Variants in ATF7IP2 observed in about 807,000 individuals in gnomAD.
ATF7IP2 encodes activating transcription factor 7-interacting protein 2.
A neutral mutation model predicts 64.2 loss-of-function variants in ATF7IP2; 42 were observed. That is an observed-to-expected ratio of 0.65 (90% CI 0.51 to 0.85). ATF7IP2 has a LOEUF of 0.85. Among genes scored for constraint, ATF7IP2 ranks in the 40% least tolerant of loss-of-function variants. ATF7IP2 has a pLI of 0.00. For synonymous variants in ATF7IP2, 308 were observed against 272.8 expected (o/e 1.13, Z -1.27); for missense variants, 933 against 784.2 (o/e 1.19, Z -2.27).
At chr16:10,400,321 A>G (rs12921769) in intron 1 of ATF7IP2, among the ~76,000 whole-genome samples, 30,508 of 152,210 alleles carry the variant, frequency 0.2, 3,452 homozygotes, top group African/African-American at 0.31. Context: ...GATTACAGGC[A>G]TTAGCCACCG....
Position 10,417,759 on chromosome 16 carries a change from A to T in ATF7IP2, c.-202-1822A>T, listed in dbSNP as rs534640286. ...ATAACAAAGTTGGAGGACTTAACAC[A>T]TCCTGAATTCCAAACTTCTCACAAA... On this transcript the variant is annotated intron_variant, in intron 2 of 13. Transcript: ENST00000562102. Among the ~76,000 whole-genome samples, 3 of 152,312 alleles carry T rather than the reference A, an allele frequency of 2.0e-5. No individual in the cohort carries two copies. In the East Asian group the frequency reaches 5.8e-4, roughly 29 times the overall value.
In ATF7IP2 at chr16:10,386,134, C is replaced by A. The variant is rs2047197889; in HGVS notation, c.-242+12C>A. 6.6e-6 allele frequency: 1 copy of A among 152,602 alleles called. No individual in the cohort carries two copies. The highest frequency in any genetic ancestry group is 2.4e-5 in the African/African-American group (1 of 41,448). The allele number at this position is 152,602 out of a possible 1,614,324, so 9.5% of individuals were successfully genotyped here. A position where few individuals can be genotyped will look rare whatever the true frequency, so the allele number is the denominator to read the frequency against. On this transcript the variant is annotated intron_variant, in intron 1 of 13. Coordinates refer to ENST00000562102, the MANE Select transcript of ATF7IP2 (RefSeq NM_001393719.1). ...CGTCGTCGCTCTAGGTACGTTGGGG[C>A]CGGGCGAGTGTCCTGCGAGAGCGGC...
At chr16:10,460,409 A>G (rs972172562) in intron 9 of ATF7IP2, among the ~76,000 whole-genome samples, 17 of 152,300 alleles carry the variant, frequency 1.1e-4, no homozygotes, top group African/African-American at 3.8e-4. Flanking sequence ...AGAGGTCAAG[A>G]TACTCTTTAA....
intron 8 of ATF7IP2, among the ~76,000 whole-genome samples, chr16:10,441,299 G>C (rs75325960): frequency 6.6e-6 from 1 of 152,100 alleles, no homozygotes; most frequent in African/African-American, 2.4e-5. Flanking sequence ...TGGTAGTTCT[G>C]GTTCTATAGA....
At chr16:10,474,074 G>C in intron 12 of ATF7IP2, 85 bp downstream of exon 12, 1 of 871,526 alleles carries the variant, frequency 1.1e-6, no homozygotes, top group Non-Finnish European at 1.8e-6. Context: ...TATGAAGTTT[G>C]TTTTAATATG....
chr16:10,419,993 A>C (rs1259604227), intron 3 of ATF7IP2, among the ~76,000 whole-genome samples: 1 of 152,214 alleles, frequency 6.6e-6, no homozygotes, highest in Non-Finnish European at 1.5e-5. Flanking sequence ...CAGTAATGCT[A>C]GATTCAGTTG....
At chr16:10,402,483 G>C (rs1048467465) in intron 1 of ATF7IP2, among the ~76,000 whole-genome samples, 1 of 152,058 alleles carries the variant, frequency 6.6e-6, no homozygotes, top group South Asian at 2.1e-4. Flanking sequence ...TTCGTTTTGA[G>C]ACAAGGTCTT....
At chr16:10,405,456 G>C (rs2047617994) in intron 1 of ATF7IP2, among the ~76,000 whole-genome samples, 1 of 152,174 alleles carries the variant, frequency 6.6e-6, no homozygotes, top group Admixed American at 6.5e-5. Flanking sequence ...GTTAGTCCAA[G>C]CTGCATTGTT....
chr16:10,455,887 T>C (rs1440967105), intron 8 of ATF7IP2, among the ~76,000 whole-genome samples: 1 of 152,234 alleles, frequency 6.6e-6, no homozygotes, highest in Non-Finnish European at 1.5e-5. Context: ...TGTTACGTAG[T>C]GGCAGGAAGT....
chr16:10,430,999 A>C lies in ATF7IP2; in HGVS notation c.379A>C (p.Ser127Arg). The change falls in exon 5 of 14, where the codon AGC (serine) becomes CGC (arginine). Residue 127 changes from serine to arginine, a missense_variant. Ser to Arg is a moderately radical substitution (Grantham distance 110, BLOSUM62 -1). Transcript: ENST00000562102. The stretch of plus-strand genomic sequence containing the variant: ...GCCAAGTAGAACAACAGAATCCCCC[A>C]GCAGAGTCTTCACAGAAGAGGCAAA... ...QKPSRTTESP[S>R]RVFTEEAKDS... 1 of 1,614,208 alleles carries C rather than the reference A, an allele frequency of 6.2e-7. No individual in the cohort carries two copies. The highest frequency in any genetic ancestry group is 8.5e-7 in the Non-Finnish European group (1 of 1,180,038).
At chr16:10,444,879 A>G (rs1268383611) in intron 8 of ATF7IP2, among the ~76,000 whole-genome samples, 1 of 152,160 alleles carries the variant, frequency 6.6e-6, no homozygotes, top group Non-Finnish European at 1.5e-5. Context: ...TAATGCCTTA[A>G]CTACATTATT....
chr16:10,386,903 G>A (rs912429374), intron 1 of ATF7IP2: 3 of 152,096 alleles, frequency 2.0e-5, no homozygotes, highest in African/African-American at 7.2e-5. Flanking sequence ...TTAAGGAAAC[G>A]GACTTTCTAC....
At chr16:10,436,844 G>T (rs2048435272) in intron 6 of ATF7IP2, among the ~76,000 whole-genome samples, 1 of 152,070 alleles carries the variant, frequency 6.6e-6, no homozygotes, top group Non-Finnish European at 1.5e-5. Flanking sequence ...CAGCAGAGCT[G>T]CTCATATCAG....
chr16:10,411,368 GTTT>G (rs1430738834), intron 1 of ATF7IP2, among the ~76,000 whole-genome samples: 1 of 53,402 alleles, frequency 1.9e-5, no homozygotes, highest in Non-Finnish European at 3.3e-5. Flanking sequence ...TTTTTTTGGT[GTTT>G]TGTTGTTGTT....
At chr16:10,446,354 G>C (rs2048804899) in intron 8 of ATF7IP2, 2 of 152,156 alleles carry the variant, frequency 1.3e-5, no homozygotes. Flanking sequence ...TCTTGAGTCA[G>C]TAAGCCACCT....
chr16:10,447,373 C>T (rs1239882766), intron 8 of ATF7IP2: 2 of 152,054 alleles, frequency 1.3e-5, no homozygotes, highest in Non-Finnish European at 2.9e-5. Context: ...GGATGCATCC[C>T]CTCCCAGAAG....
At chr16:10,401,757 CT>C (rs59240195) in intron 1 of ATF7IP2, among the ~76,000 whole-genome samples, 67,717 of 137,412 alleles carry the variant, frequency 0.49, 16,387 homozygotes, top group East Asian at 0.57. Flanking sequence ...TGTTGGGAGT[CT>C]TTTTTTTTTT....
intron 1 of ATF7IP2, among the ~76,000 whole-genome samples, chr16:10,413,125 T>C (rs1176445891): frequency 6.6e-6 from 1 of 152,154 alleles, no homozygotes; most frequent in Non-Finnish European, 1.5e-5. Flanking sequence ...TGCAAATTCA[T>C]GTCTTTTAAG....
chr16:10,425,727 C>G (rs2048071591), intron 3 of ATF7IP2, among the ~76,000 whole-genome samples: 1 of 152,044 alleles, frequency 6.6e-6, no homozygotes, highest in Non-Finnish European at 1.5e-5. Flanking sequence ...AACCCCATCT[C>G]TATTAAAAAT....
Sources: gnomAD v4.1 joint callset for allele counts (sites outside exome capture counted in the v4.1 genomes callset) on GRCh38, gnomAD v4.1.1 for gene constraint, MANE v1.5 for transcripts, NCBI Gene and HGNC (gene_info 2026-07-23, HGNC 2026-07-21) for gene names.